Variants in WBP2NL observed in about 807,000 individuals in gnomAD.
WBP2NL encodes WBP2 N-terminal like, also known as postacrosomal sheath WW domain-binding protein.
Under a neutral mutation model 23.3 loss-of-function variants are expected in WBP2NL, and 27 were observed. That is an observed-to-expected ratio of 1.16 (90% CI 0.85 to 1.60). WBP2NL has a LOEUF of 1.60. Among genes scored for constraint, WBP2NL ranks in the 40% most tolerant of loss-of-function variants. The probability of loss-of-function intolerance (pLI) is 0.00; values close to 1 mark genes in which losing one functional copy is unlikely to be tolerated. For synonymous variants in WBP2NL, 151 were observed against 145.9 expected (o/e 1.03, Z -0.25); for missense variants, 370 against 389.5 (o/e 0.95, Z 0.42).
chr22:42,001,073 A>T (rs1921614367), intron 1 of WBP2NL: 2 of 934,446 alleles, frequency 2.1e-6, no homozygotes, highest in Non-Finnish European at 3.4e-6. Context: ...AATAACTTAC[A>T]TGTACTTCTT....
intron 8 of WBP2NL, among the ~76,000 whole-genome samples, chr22:42,046,114 C>T (rs1925577456): frequency 6.6e-6 from 1 of 152,210 alleles, no homozygotes; most frequent in African/African-American, 2.4e-5. Context: ...CAAAATGGTA[C>T]ATCCATAATC....
intron 8 of WBP2NL, among the ~76,000 whole-genome samples, chr22:42,050,135 G>GT (rs1925784525): frequency 6.6e-6 from 1 of 152,050 alleles, no homozygotes; most frequent in Non-Finnish European, 1.5e-5. Context: ...GGGCAACATA[G>GT]TGAGACCCTG....
At chr22:42,049,142 A>G (rs1925716284) in intron 8 of WBP2NL, among the ~76,000 whole-genome samples, 1 of 152,230 alleles carries the variant, frequency 6.6e-6, no homozygotes, top group Non-Finnish European at 1.5e-5. Flanking sequence ...ACAATGTGGT[A>G]TTAGCAAAGC....
In WBP2NL at chr22:42,044,374, C is replaced by T. The variant is rs575059995; in HGVS notation, c.*273+13551C>T. 1.1e-4 allele frequency among the ~76,000 whole-genome samples: 16 copies of T among 152,248 alleles called. No homozygotes were observed. The South Asian group carries it at 3.3e-3, about 32-fold the overall frequency. On this transcript the variant is annotated intron_variant and NMD_transcript_variant, in intron 8 of 8. Transcript: ENST00000436265. ...GCATGTGCCACCGCGACCAGCTGGC[C>T]TTACCTTTCAATACAGCCCCACTGG...
rs560353852 is a variant in WBP2NL, at chr22:41,998,959, C to T, written c.62+79C>T. ...GACATGGCGGCTCGCAAACTCTCAGCGAGTCAGGGACTTTGCCGCCTTTTT... is the reference window on the plus strand; with the variant it reads ...GACATGGCGGCTCGCAAACTCTCAGTGAGTCAGGGACTTTGCCGCCTTTTT... On this transcript the variant is annotated intron_variant, in intron 1 of 5. Coordinates refer to ENST00000328823, the MANE Select transcript of WBP2NL (RefSeq NM_152613.3). 66 of 1,496,036 alleles carry T rather than the reference C, an allele frequency of 4.4e-5. No individual in the cohort carries two copies. In the Middle Eastern group the frequency reaches 5.4e-4, roughly 12 times the overall value. 92.7% of individuals were successfully genotyped at this position (1,496,036 alleles called of 1,614,324 possible).
chr22:42,027,819 A>G lies in WBP2NL; in HGVS notation c.*638A>G. 1 of 396,918 alleles carries G rather than the reference A, an allele frequency of 2.5e-6. No individual in the cohort carries two copies. Among genetic ancestry groups the G allele is most frequent in the Non-Finnish European group, 4.4e-6 (1 of 225,514 alleles). 24.6% of individuals were successfully genotyped at this position (396,918 alleles called of 1,614,324 possible). A position where few individuals can be genotyped will look rare whatever the true frequency, so the allele number is the denominator to read the frequency against. On this transcript the variant is annotated 3_prime_UTR_variant, in exon 6 of 6. Transcript: ENST00000328823. ...GGAAAAAGTGATTTTCAACATATAT[A>G]TTAATTTATAGTCAGAATACGTGAA... is the stretch of plus-strand genomic sequence containing the variant.
chr22:42,019,220 C>CAAAAAA, intron 1 of WBP2NL, 91 bp from the exon 2 acceptor site: 1 of 1,031,234 alleles, frequency 9.7e-7, no homozygotes, highest in Non-Finnish European at 1.4e-6. Flanking sequence ...GACTCTGTCT[C>CAAAAAA]AAAAAAAAAA....
chr22:42,010,353 G>A (rs1450520544), intron 1 of WBP2NL, among the ~76,000 whole-genome samples: 1 of 152,164 alleles, frequency 6.6e-6, no homozygotes, highest in Admixed American at 6.5e-5. Flanking sequence ...TCGAATAGAA[G>A]TGGTGAAAGC....
intron 8 of WBP2NL, among the ~76,000 whole-genome samples, chr22:42,052,425 TGTACCACC>T (rs1925869040): frequency 6.6e-6 from 1 of 152,058 alleles, no homozygotes; most frequent in Non-Finnish European, 1.5e-5. Flanking sequence ...ACTACAGGTG[TGTACCACC>T]ATGCCCAGCT....
At chr22:42,002,090 G>A (rs1921762409) in intron 1 of WBP2NL, 2 of 421,646 alleles carry the variant, frequency 4.7e-6, no homozygotes, top group Non-Finnish European at 8.3e-6. Flanking sequence ...GGCTATGGGT[G>A]TCTCTCTACT....
chr22:42,049,689 CCAAAACAAAACAAAACAAA>C (rs1314721203), intron 8 of WBP2NL, among the ~76,000 whole-genome samples: 195 of 62,910 alleles, frequency 3.1e-3, no homozygotes, highest in African/African-American at 0.014. Flanking sequence ...GACTCCGTCT[CCAAAACAAAACAAAACAAA>C]AAAAAAAAAA....
intron 1 of WBP2NL, among the ~76,000 whole-genome samples, chr22:42,013,657 T>C (rs930198280): frequency 6.6e-6 from 1 of 152,174 alleles, no homozygotes; most frequent in African/African-American, 2.4e-5. Context: ...TCACGTAGGC[T>C]GGAGTGCAGT....
chr22:42,053,710 G>A (rs1360568711), intron 8 of WBP2NL, among the ~76,000 whole-genome samples: 3 of 151,820 alleles, frequency 2.0e-5, no homozygotes, highest in African/African-American at 7.3e-5. Context: ...CACCTGCCTC[G>A]GCCTCCCAAA....
intron 8 of WBP2NL, among the ~76,000 whole-genome samples, chr22:42,057,846 T>TATATATAC (rs541863824): frequency 2.6e-5 from 3 of 117,420 alleles, no homozygotes; most frequent in African/African-American, 1.0e-4. Context: ...TATATATATA[T>TATATATAC]ACACATATAT....
rs866835653 is a variant in WBP2NL, at chr22:42,000,007, C to G, written c.62+1127C>G. 1.1e-4 allele frequency among the ~76,000 whole-genome samples: 16 copies of G among 152,274 alleles called. No homozygotes were observed. In the Middle Eastern group the frequency reaches 0.017, roughly 162 times the overall value. On this transcript the variant is annotated intron_variant, in intron 1 of 5. Coordinates refer to ENST00000328823, the MANE Select transcript of WBP2NL (RefSeq NM_152613.3). ...CCCCACACGCCCCCTTTCCCGTTTCCTACACTCAAACTCAGTCTCCCCCGC... is the reference window on the plus strand; with the variant it reads ...CCCCACACGCCCCCTTTCCCGTTTCGTACACTCAAACTCAGTCTCCCCCGC...
chr22:42,047,767 G>A (rs1869016247), intron 8 of WBP2NL, among the ~76,000 whole-genome samples: 1 of 140,446 alleles, frequency 7.1e-6, no homozygotes, highest in Non-Finnish European at 1.5e-5. Flanking sequence ...GACTATAGGC[G>A]CATGCCACCA....
intron 8 of WBP2NL, among the ~76,000 whole-genome samples, chr22:42,044,677 G>A (rs1925517296): frequency 6.6e-6 from 1 of 152,140 alleles, no homozygotes; most frequent in South Asian, 2.1e-4. Context: ...GGTGGTGTGT[G>A]CCTGTTAGTC....
chr22:42,007,975 C>T (rs1366566834), intron 1 of WBP2NL, among the ~76,000 whole-genome samples: 1 of 152,132 alleles, frequency 6.6e-6, no homozygotes, highest in Non-Finnish European at 1.5e-5. Flanking sequence ...TGAGGAGCCT[C>T]CGGACTGTTT....
rs560145489 is a variant in WBP2NL at position 42,019,658 on chromosome 22, G to A, written c.172-4G>A. Reference sequence around the variant, plus strand: ...CCTTTTCCAAAGTTTCTGTCCTTGCGTAGGTGATTTTCATAACTTCATGCT... The same window carrying A: ...CCTTTTCCAAAGTTTCTGTCCTTGCATAGGTGATTTTCATAACTTCATGCT... On this transcript the variant is annotated splice_region_variant and splice_polypyrimidine_tract_variant and intron_variant, in intron 2 of 5. Transcript: ENST00000328823. 21 of 1,613,922 alleles carry A rather than the reference G, an allele frequency of 1.3e-5. No homozygotes were observed. Among genetic ancestry groups the A allele is most frequent in the Middle Eastern group, 1.6e-4 (1 of 6,062 alleles).
Sources: allele counts gnomAD v4.1 joint callset (sites outside exome capture counted in the v4.1 genomes callset), GRCh38; gene constraint gnomAD v4.1.1; transcripts MANE v1.5; gene names NCBI Gene and HGNC (gene_info 2026-07-23, HGNC 2026-07-21).